The following NDRG2 variants were observed in gnomAD, a reference collection of about 807,000 sequenced individuals.
NDRG2 encodes the protein NDRG family member 2.
A neutral mutation model predicts 58.2 loss-of-function variants in NDRG2; 34 were observed. That is an observed-to-expected ratio of 0.58 (90% CI 0.44 to 0.78). The LOEUF (loss-of-function observed/expected upper bound fraction) is 0.78, where lower values mean the gene tolerates loss of function less well. Among genes scored for constraint, NDRG2 ranks in the 30% least tolerant of loss-of-function variants. The pLI is 0.00. For missense variants in NDRG2, 434 were observed against 471.2 expected (o/e 0.92, Z 0.73); for synonymous variants, 187 against 175.9 (o/e 1.06, Z -0.50).
upstream of NDRG2, chr14:21,030,715 T>A (rs1482115221): frequency 6.2e-7 from 1 of 1,614,026 alleles, no homozygotes; most frequent in Non-Finnish European, 8.5e-7. Context: ...GGCAAGACAG[T>A]CACCTCCACG....
intron 1 of NDRG2, chr14:21,033,464 G>A: frequency 3.0e-6 from 1 of 330,330 alleles, no homozygotes; most frequent in Admixed American, 4.5e-5. Flanking sequence ...TGTTGCCATG[G>A]TGTGAGCTGA....
chr14:21,026,601 G>A (rs976676702), upstream of NDRG2, among the ~76,000 whole-genome samples: 3 of 151,888 alleles, frequency 2.0e-5, no homozygotes, highest in Non-Finnish European at 2.9e-5. Context: ...TGGAAAGAAG[G>A]AGAGGCCAAG....
intron 1 of NDRG2, among the ~76,000 whole-genome samples, chr14:21,045,261 G>C (rs1374629024): frequency 1.3e-5 from 2 of 152,232 alleles, no homozygotes; most frequent in African/African-American, 4.8e-5. Context: ...AGGAGAGAAA[G>C]TAAGGAAAGG....
rs750572401 is a variant in NDRG2 at position 21,022,886 on chromosome 14, C to T, written c.95G>A (p.Arg32Gln). 7.4e-6 allele frequency: 12 copies of T among 1,613,804 alleles called. No homozygotes were observed. Among genetic ancestry groups the T allele is most frequent in the Non-Finnish European group, 1.0e-5 (12 of 1,179,946 alleles). The stretch of plus-strand genomic sequence containing the variant: ...TACCTGTCCCTGGTCCAGGAGGATT[C>T]GGGCAGCTAACTCAGCCTCCTGGAG... ...EAAKEAELAA[R>Q]ILLDQGQTHS... The change falls in exon 3 of 16, where the codon CGA (arginine) becomes CAA (glutamine). Residue 32 changes from arginine to glutamine, a missense_variant. Coordinates refer to ENST00000556147, the MANE Select transcript of NDRG2 (RefSeq NM_001320329.2).
upstream of NDRG2, among the ~76,000 whole-genome samples, chr14:21,027,266 ATC>A (rs1359133479): frequency 6.6e-6 from 1 of 152,178 alleles, no homozygotes; most frequent in Non-Finnish European, 1.5e-5. Context: ...TGCAAGGACA[ATC>A]TCTGTCTAAA....
intron 1 of NDRG2, among the ~76,000 whole-genome samples, chr14:21,044,587 G>A (rs191509676): frequency 5.6e-4 from 85 of 152,280 alleles, no homozygotes; most frequent in African/African-American, 1.9e-3. Context: ...GTTGAGATGC[G>A]AAAATGCCAT....
Position 21,065,169 on chromosome 14 carries a change from CA to C in NDRG2, c.24+5658del, listed in dbSNP as rs56361526. Reference sequence around the variant, plus strand: ...CTGGGCGATGAGCAAAACTCCATCTCAAAAAAAAAAAAACAAACAACAACAA... The same window carrying C: ...CTGGGCGATGAGCAAAACTCCATCTCAAAAAAAAAAAACAAACAACAACAA... On this transcript the variant is annotated intron_variant, in intron 1 of 14. Transcript: ENST00000403829. Among the ~76,000 whole-genome samples, 304 of 135,262 alleles carry C rather than the reference CA, an allele frequency of 2.2e-3. 2 individuals carry two copies. The highest frequency in any genetic ancestry group is 7.0e-3 in the African/African-American group (239 of 33,962). The allele number at this position is 135,262 out of a possible 152,430, so 88.7% of individuals were successfully genotyped here.
intron 3 of NDRG2, 127 bp from the exon 4 acceptor site, chr14:21,022,624 G>A (rs865990365): frequency 4.2e-6 from 3 of 718,656 alleles, no homozygotes; most frequent in Non-Finnish European, 7.0e-6. Flanking sequence ...TTAAAAACAG[G>A]ATCAGCAAGA....
intron 13 of NDRG2, 94 bp downstream of exon 13, chr14:21,018,363 C>A (rs547339597): frequency 6.2e-7 from 1 of 1,603,122 alleles, no homozygotes; most frequent in African/African-American, 1.3e-5. Context: ...CTTCGTTCAC[C>A]CCATTTGCTC....
At chr14:21,026,085 G>A (rs1465520633), upstream of NDRG2, among the ~76,000 whole-genome samples, 2 of 151,712 alleles carry the variant, frequency 1.3e-5, no homozygotes, top group Non-Finnish European at 2.9e-5. Context: ...ATGGTCTCAG[G>A]GTCTGCCGCG....
upstream of NDRG2, chr14:21,030,794 C>A: frequency 1.2e-6 from 2 of 1,604,628 alleles, no homozygotes; most frequent in Non-Finnish European, 1.7e-6. Context: ...TGAGAAGAAC[C>A]TGCGAGGTAG....
intron 1 of NDRG2, chr14:21,033,632 A>T (rs924812142): frequency 1.6e-6 from 1 of 607,884 alleles, no homozygotes; most frequent in African/African-American, 1.8e-5. Flanking sequence ...AGCTGGAAAG[A>T]ACCTAGAAGA....
chr14:21,059,912 A>G (rs762450470), intron 1 of NDRG2, among the ~76,000 whole-genome samples: 1 of 152,182 alleles, frequency 6.6e-6, no homozygotes, highest in Non-Finnish European at 1.5e-5. Flanking sequence ...TATTATACAC[A>G]TATACACACA....
upstream of NDRG2, among the ~76,000 whole-genome samples, chr14:21,026,305 C>G (rs1883618883): frequency 1.3e-5 from 2 of 151,706 alleles, 1 homozygote; most frequent in Admixed American, 1.3e-4. Context: ...CACCTGCCCC[C>G]CTTGTAGCTC....
chr14:21,069,306 C>T (rs922667076), intron 1 of NDRG2, among the ~76,000 whole-genome samples: 2 of 152,190 alleles, frequency 1.3e-5, no homozygotes, highest in Admixed American at 6.5e-5. Context: ...CTAGCCCACC[C>T]TGCTTTGTCT....
At position 21,018,744 on chromosome 14, in the gene NDRG2, C is replaced by T. The variant is rs752546777; in HGVS notation, c.813+19G>A. The T allele has an allele frequency of 1.2e-6, 2 of 1,614,050 alleles. No individual in the cohort carries two copies. Among genetic ancestry groups the T allele is most frequent in the East Asian group, 2.2e-5 (1 of 44,884 alleles). ...ACCCCAACCCTCCTCCCTCACTCACCCCAAAATTCCCTACTAACCACTGCA... is the reference window on the plus strand; with the variant it reads ...ACCCCAACCCTCCTCCCTCACTCACTCCAAAATTCCCTACTAACCACTGCA... On this transcript the variant is annotated intron_variant, in intron 12 of 15. Transcript: ENST00000556147.
chr14:21,046,880 A>T (rs1381385622), intron 1 of NDRG2: 1 of 152,210 alleles, frequency 6.6e-6, no homozygotes. Context: ...CGTTTAGTGG[A>T]AGTGGCTCAT....
At chr14:21,056,391 A>AT (rs1885675497) in intron 1 of NDRG2, among the ~76,000 whole-genome samples, 1 of 152,226 alleles carries the variant, frequency 6.6e-6, no homozygotes, top group Non-Finnish European at 1.5e-5. Context: ...CTTTCAAAGA[A>AT]TACTAGTGTT....
intron 1 of NDRG2, chr14:21,036,183 T>A (rs975950086): frequency 4.4e-6 from 2 of 456,220 alleles, no homozygotes; most frequent in African/African-American, 4.0e-5. Flanking sequence ...TTCTTATTTC[T>A]TCCTCAGTGG....
Sources: allele counts gnomAD v4.1 joint callset (sites outside exome capture counted in the v4.1 genomes callset), GRCh38; gene constraint gnomAD v4.1.1; transcripts MANE v1.5; gene names NCBI Gene and HGNC (gene_info 2026-07-23, HGNC 2026-07-21).